Variants in MYO18B observed in about 807,000 individuals in gnomAD.
MYO18B encodes the protein myosin XVIIIB.
In MYO18B, 204 loss-of-function variants were observed where a neutral mutation model predicts 273.0. The observed-to-expected ratio is 0.75, with a 90% CI of 0.67 to 0.84. The LOEUF (loss-of-function observed/expected upper bound fraction) is 0.84. Among genes scored for constraint, MYO18B ranks in the 40% least tolerant of loss-of-function variants. The probability of loss-of-function intolerance (pLI) is 0.00; values close to 1 mark genes in which losing one functional copy is unlikely to be tolerated. For missense variants in MYO18B, 3,212 were observed against 3,287.6 expected (o/e 0.98, Z 0.56); for synonymous variants, 1,330 against 1,305.7 (o/e 1.02, Z -0.40).
the MYO18B span, among the ~76,000 whole-genome samples, chr22:26,050,904 G>A: frequency 6.6e-6 from 1 of 152,170 alleles, no homozygotes; most frequent in Non-Finnish European, 1.5e-5. Flanking sequence ...TGAGGTTGGG[G>A]AGAAAAATTG....
Position 25,876,330 on chromosome 22 carries a change from G to A in MYO18B, c.4222G>A (p.Glu1408Lys). 2 of 1,610,188 alleles carry A rather than the reference G, an allele frequency of 1.2e-6. No individual in the cohort carries two copies. The highest frequency in any genetic ancestry group is 2.2e-5 in the South Asian group (2 of 90,412). The change falls in exon 24 of 44, where the codon GAG becomes AAG. Residue 1408 changes from glutamate (E) to lysine (K), a missense_variant and splice_region_variant. Physicochemically the swap from Glu to Lys is moderately conservative, Grantham distance 56. Coordinates refer to ENST00000335473, the MANE Select transcript of MYO18B (RefSeq NM_032608.7). The stretch of plus-strand genomic sequence containing the variant: ...TGGAACTGAGCAGCTCCGAGCCAAG[G>A]AGGTCAGTCTATGTGGCAGGCAGGG... ...TIGTEQLRAK[E>K]EELTTLRRKL... is the part of the protein sequence containing the mutation.
At chr22:25,868,267 T>G in intron 21 of MYO18B, 53 bp from the exon 22 acceptor site, 1 of 1,489,212 alleles carries the variant, frequency 6.7e-7, no homozygotes, top group South Asian at 1.2e-5. Flanking sequence ...CTTTCCCCTT[T>G]AGGATCCTCC....
At chr22:26,036,186 C>T in the MYO18B span, among the ~76,000 whole-genome samples, 1 of 152,212 alleles carries the variant, frequency 6.6e-6, no homozygotes, top group African/African-American at 2.4e-5. Flanking sequence ...CTGCTGCTGT[C>T]TTCAGAAGGT....
In MYO18B at chr22:25,950,379, A is replaced by C. The variant is rs761961158; in HGVS notation, c.5761A>C (p.Ile1921Leu). Residue 1921 changes from isoleucine to leucine, a missense_variant, in exon 37 of 44, where the codon ATT becomes CTT. Transcript: ENST00000335473. ...TTTGTCTCACCAGTCTGCTGCTGAC[A>C]TTGGGCAGATCCAAGAACTGCAGCT... is the stretch of plus-strand genomic sequence containing the variant. ...KDLIAQSAAD[I>L]GQIQELQLQL... is the part of the protein sequence containing the mutation. The C allele has an allele frequency of 5.0e-6, 8 of 1,603,460 alleles. No individual in the cohort carries two copies. Among genetic ancestry groups the C allele is most frequent in the Non-Finnish European group, 6.8e-6 (8 of 1,175,040 alleles).
intron 1 of MYO18B, among the ~76,000 whole-genome samples, chr22:25,747,762 A>G (rs1211249448): frequency 6.6e-6 from 1 of 152,250 alleles, no homozygotes; most frequent in Non-Finnish European, 1.5e-5. Flanking sequence ...ATCTGAGTCA[A>G]CCGGGGACAT....
At chr22:25,960,828 G>A (rs1038159877) in intron 39 of MYO18B, among the ~76,000 whole-genome samples, 1 of 152,138 alleles carries the variant, frequency 6.6e-6, no homozygotes, top group African/African-American at 2.4e-5. Context: ...AAGGAGCATA[G>A]CTTACTGTGT....
intron 39 of MYO18B, among the ~76,000 whole-genome samples, chr22:25,962,586 T>C (rs1228579050): frequency 6.6e-6 from 1 of 152,208 alleles, no homozygotes; most frequent in African/African-American, 2.4e-5. Context: ...ATGGATGGAC[T>C]AGGGACTGTG....
At chr22:26,061,404 T>C in the MYO18B span, among the ~76,000 whole-genome samples, 9 of 152,168 alleles carry the variant, frequency 5.9e-5, no homozygotes, top group African/African-American at 2.2e-4. Flanking sequence ...TCCACCTTGA[T>C]GGGGCTGTTG....
intron 34 of MYO18B, among the ~76,000 whole-genome samples, chr22:25,926,486 T>A (rs2092423155): frequency 6.6e-6 from 1 of 152,084 alleles, no homozygotes; most frequent in South Asian, 2.1e-4. Flanking sequence ...GGTTTCACCA[T>A]CTTGGCCAGG....
chr22:26,062,068 G>A, the MYO18B span, among the ~76,000 whole-genome samples: 2 of 152,272 alleles, frequency 1.3e-5, no homozygotes, highest in East Asian at 1.9e-4. Context: ...ATCATCTCAT[G>A]GGGCTTAGGA....
At chr22:25,950,304 G>A (rs1432610251) in intron 36 of MYO18B, 63 bp from the exon 37 acceptor site, 19 of 1,422,992 alleles carry the variant, frequency 1.3e-5, no homozygotes, top group Non-Finnish European at 1.8e-5. Context: ...TTCAGGGGTG[G>A]TTTCCCAGCA....
intron 32 of MYO18B, among the ~76,000 whole-genome samples, chr22:25,908,966 G>T (rs1204591782): frequency 6.6e-6 from 1 of 152,174 alleles, no homozygotes; most frequent in African/African-American, 2.4e-5. Flanking sequence ...GAGGCCATGT[G>T]GTTCTGAAGC....
chr22:25,907,775 C>G (rs2092074562), intron 31 of MYO18B, among the ~76,000 whole-genome samples: 1 of 152,080 alleles, frequency 6.6e-6, no homozygotes, highest in African/African-American at 2.4e-5. Context: ...TGGCTCACAC[C>G]TATAATCCCA....
intron 33 of MYO18B, among the ~76,000 whole-genome samples, chr22:25,912,470 T>C (rs1859628302): frequency 2.0e-5 from 3 of 152,348 alleles, no homozygotes; most frequent in African/African-American, 7.2e-5. Context: ...AAATAAATTT[T>C]ACATGTAAAG....
chr22:25,961,117 G>A (rs1222117492), intron 39 of MYO18B, among the ~76,000 whole-genome samples: 2 of 151,944 alleles, frequency 1.3e-5, no homozygotes, highest in Admixed American at 6.6e-5. Context: ...CAGCTACTCA[G>A]GAGGCTGAGG....
Position 26,016,385 on chromosome 22 carries a change from C to A in MYO18B, c.6471-10060C>A, listed in dbSNP as rs1478197938. On this transcript the variant is annotated intron_variant, in intron 42 of 43. Transcript: ENST00000335473. ...GGGTTCAAACCAGATGAGGCCCACA[C>A]CTCCCTCTCAATTTGATATCCTAGA... Among the ~76,000 whole-genome samples, 21 of 152,158 alleles carry A rather than the reference C, an allele frequency of 1.4e-4. 1 individual carries two copies. The highest frequency in any genetic ancestry group is 4.4e-5 in the Non-Finnish European group (3 of 68,026).
At chr22:25,934,569 C>G (rs1259712801) in intron 34 of MYO18B, among the ~76,000 whole-genome samples, 4 of 152,064 alleles carry the variant, frequency 2.6e-5, no homozygotes, top group African/African-American at 9.7e-5. Flanking sequence ...CCAAGGTGGT[C>G]GGGGCACAGC....
chr22:26,009,865 T>A (rs1463278056), intron 42 of MYO18B, among the ~76,000 whole-genome samples: 1 of 152,206 alleles, frequency 6.6e-6, no homozygotes, highest in Non-Finnish European at 1.5e-5. Flanking sequence ...TTTCAGCAGG[T>A]GACCCCCAAA....
intron 34 of MYO18B, among the ~76,000 whole-genome samples, chr22:25,940,254 C>T (rs568352478): frequency 6.6e-5 from 10 of 151,052 alleles, no homozygotes; most frequent in African/African-American, 2.4e-4. Context: ...AAGTCTTTCC[C>T]ATGCTGGTCT....
Sources: allele counts gnomAD v4.1 joint callset (sites outside exome capture counted in the v4.1 genomes callset), GRCh38; gene constraint gnomAD v4.1.1; transcripts MANE v1.5; gene names NCBI Gene and HGNC (gene_info 2026-07-23, HGNC 2026-07-21).